Variants in KIF15 observed in about 807,000 individuals in gnomAD.
KIF15 encodes the protein kinesin family member 15, also known as kinesin-like protein KIF15.
KIF15 carries 140 observed loss-of-function variants against 190.6 expected under a neutral mutation model. The observed-to-expected ratio is 0.73, with a 90% confidence interval of 0.64 to 0.84. The LOEUF is 0.84. Among genes scored for constraint, KIF15 ranks in the 40% least tolerant of loss-of-function variants. The pLI is 0.00. For synonymous variants in KIF15, 528 were observed against 551.3 expected (o/e 0.96, Z 0.59); for missense variants, 1,372 against 1,584.4 (o/e 0.87, Z 2.28).
rs182618516 is a variant in KIF15, at chr3:44,822,472, A to C, written c.2550-3567A>C. 9.9e-5 allele frequency among the ~76,000 whole-genome samples: 15 copies of C among 152,154 alleles called. No individual in the cohort carries two copies. In the East Asian group the frequency reaches 2.7e-3, roughly 27 times the overall value. ...CATTTCAACCTTGGTGAATCTGACAATTATGTGTCTTGGGGTTGCTCTTCT... is the reference window on the plus strand; with the variant it reads ...CATTTCAACCTTGGTGAATCTGACACTTATGTGTCTTGGGGTTGCTCTTCT... On this transcript the variant is annotated intron_variant, in intron 20 of 34. Transcript: ENST00000326047.
At chr3:44,834,857 T>C (rs139779226) in intron 26 of KIF15, among the ~76,000 whole-genome samples, 2,822 of 151,498 alleles carry the variant, frequency 0.019, 74 homozygotes, top group African/African-American at 0.063. Context: ...CGCTGGAACC[T>C]AGGAGGCAGA....
intron 2 of KIF15, 140 bp downstream of exon 2, chr3:44,774,577 A>G: frequency 1.5e-6 from 1 of 680,050 alleles, no homozygotes; most frequent in Non-Finnish European, 2.5e-6. Flanking sequence ...GGAAAACTGC[A>G]TATTACCTCT....
chr3:44,836,687 T>G (rs1384099513), intron 26 of KIF15, among the ~76,000 whole-genome samples: 1 of 152,048 alleles, frequency 6.6e-6, no homozygotes, highest in Non-Finnish European at 1.5e-5. Context: ...CCTGAAACAT[T>G]AGGAGTTCAG....
chr3:44,810,947 T>G lies in KIF15; in HGVS notation c.2073T>G (p.Ser691=). The G allele has an allele frequency of 6.2e-7, 1 of 1,613,358 alleles. No homozygotes were observed. The highest frequency in any genetic ancestry group is 8.5e-7 in the Non-Finnish European group (1 of 1,179,494). Reference sequence around the variant, plus strand: ...TTGGCTCTCTATACACTCAGAATTCTAGCATATTAGATAATGATATATTAA... The same window carrying G: ...TTGGCTCTCTATACACTCAGAATTCGAGCATATTAGATAATGATATATTAA... ...GSFGSLYTQN[S]SILDNDILNE... The change falls in exon 17 of 35, where the codon TCT becomes TCG. Residue 691 remains serine (S), a synonymous_variant. Coordinates refer to ENST00000326047, the MANE Select transcript of KIF15 (RefSeq NM_020242.3).
chr3:44,762,402 C>T (rs1213959611), intron 1 of KIF15, among the ~76,000 whole-genome samples: 1 of 152,226 alleles, frequency 6.6e-6, no homozygotes, highest in African/African-American at 2.4e-5. Flanking sequence ...CTCACAGTCT[C>T]TATTTTCACT....
chr3:44,865,321 A>C, intron 6 of KIF15: 1 of 1,130,878 alleles, frequency 8.8e-7, no homozygotes, highest in Non-Finnish European at 1.3e-6. Context: ...CTGATGGAGC[A>C]GGCTCTGGCT....
In KIF15 at chr3:44,847,378, A is replaced by G. The variant is rs149435051; in HGVS notation, c.3696-607A>G. 3.1e-3 allele frequency among the ~76,000 whole-genome samples: 477 copies of G among 152,326 alleles called. 1 individual carries two copies. The highest frequency in any genetic ancestry group is 4.6e-3 in the Non-Finnish European group (314 of 68,040). On this transcript the variant is annotated intron_variant, in intron 30 of 34. Coordinates refer to ENST00000326047, the MANE Select transcript of KIF15 (RefSeq NM_020242.3). ...CTCACCTGGTCAGGCTCACAGAGAT[A>G]GATGTATTATCTAGAATGTAATTTT...
At chr3:44,811,339 G>A (rs1707773732) in intron 17 of KIF15, among the ~76,000 whole-genome samples, 1 of 152,148 alleles carries the variant, frequency 6.6e-6, no homozygotes, top group Non-Finnish European at 1.5e-5. Flanking sequence ...GCAAAGTGCT[G>A]TATCTGCTAA....
intron 20 of KIF15, among the ~76,000 whole-genome samples, chr3:44,822,334 C>A (rs564294955): frequency 6.6e-6 from 1 of 152,310 alleles, no homozygotes; most frequent in South Asian, 2.1e-4. Flanking sequence ...TATTGCCCCC[C>A]ACTCTCTTCT....
At position 44,852,483 on chromosome 3, in the gene KIF15, C is replaced by T. The variant is rs533000182; in HGVS notation, c.4104+144C>T. The T allele has an allele frequency of 3.3e-5, 29 of 883,044 alleles. 1 individual carries two copies. In the South Asian group the frequency reaches 3.3e-4, roughly 10 times the overall value. The allele number at this position is 883,044 out of a possible 1,614,324, so 54.7% of individuals were successfully genotyped here. ...AATTAAAAAAAAAAAAAAAGTTGGTCGTTGCTATTCTGAGCCTAATTCAAT... is the reference window on the plus strand; with the variant it reads ...AATTAAAAAAAAAAAAAAAGTTGGTTGTTGCTATTCTGAGCCTAATTCAAT... On this transcript the variant is annotated intron_variant, in intron 34 of 34. Transcript: ENST00000326047.
chr3:44,841,970 G>A (rs115065183), intron 29 of KIF15, among the ~76,000 whole-genome samples: 177 of 152,270 alleles, frequency 1.2e-3, no homozygotes, highest in Non-Finnish European at 1.7e-3. Context: ...GCTCTCATCA[G>A]GAATGAAGGT....
chr3:44,820,504 G>C (rs1225078178), intron 20 of KIF15, among the ~76,000 whole-genome samples: 2 of 152,186 alleles, frequency 1.3e-5, no homozygotes, highest in South Asian at 2.1e-4. Context: ...GCGGCCTTCC[G>C]CAGTGTTTGT....
intron 11 of KIF15, among the ~76,000 whole-genome samples, chr3:44,800,719 A>G (rs373148959): frequency 6.6e-6 from 1 of 152,234 alleles, no homozygotes; most frequent in Non-Finnish European, 1.5e-5. Flanking sequence ...TGTAATCTAT[A>G]TATGTTTACT....
chr3:44,773,427 A>C (rs546745043), intron 1 of KIF15, among the ~76,000 whole-genome samples: 1 of 152,122 alleles, frequency 6.6e-6, no homozygotes, highest in South Asian at 2.1e-4. Flanking sequence ...CCCCAGCCCC[A>C]CCCAGAAGGG....
At position 44,840,398 on chromosome 3, in the gene KIF15, A is replaced by G. The variant is rs925985738; in HGVS notation, c.3362A>G (p.Tyr1121Cys). 5.0e-6 allele frequency: 8 copies of G among 1,611,130 alleles called. No individual in the cohort carries two copies. Among genetic ancestry groups the G allele is most frequent in the Non-Finnish European group, 5.9e-6 (7 of 1,179,002 alleles). The change falls in exon 28 of 35, where the codon TAT becomes TGT. Residue 1121 changes from tyrosine (Y) to cysteine (C), a missense_variant. Tyr to Cys is a radical substitution (Grantham distance 194). Coordinates refer to ENST00000326047, the MANE Select transcript of KIF15 (RefSeq NM_020242.3). ...KEEVEQKKNE[Y>C]NFKMRQLEHV... is the part of the protein sequence containing the mutation. ...GAAGTAGAACAGAAGAAGAATGAAT[A>G]TAACTTCAAAATGAGGCAACTAGAA...
At chr3:44,865,384 T>C in intron 6 of KIF15, 1 of 662,646 alleles carries the variant, frequency 1.5e-6, no homozygotes. Context: ...GTTTTGATCA[T>C]CTGTACAGTG....
intron 20 of KIF15, among the ~76,000 whole-genome samples, chr3:44,823,982 G>A (rs747225198): frequency 6.6e-5 from 10 of 152,132 alleles, no homozygotes; most frequent in Admixed American, 1.3e-4. Flanking sequence ...GTGAGGCGAC[G>A]CCCACCCTGC....
At chr3:44,853,800 C>T (rs774232619), downstream of KIF15, among the ~76,000 whole-genome samples, 2 of 152,040 alleles carry the variant, frequency 1.3e-5, no homozygotes, top group Non-Finnish European at 2.9e-5. Flanking sequence ...AACATTTTTC[C>T]ATATTATGGA....
chr3:44,834,888 G>A (rs564904222), intron 26 of KIF15, among the ~76,000 whole-genome samples: 6 of 151,564 alleles, frequency 4.0e-5, no homozygotes, highest in Admixed American at 1.3e-4. Flanking sequence ...AGCCAAGATC[G>A]CGCCACTGCA....
Sources: gnomAD v4.1 joint callset for allele counts (sites outside exome capture counted in the v4.1 genomes callset) on GRCh38, gnomAD v4.1.1 for gene constraint, MANE v1.5 for transcripts, NCBI Gene and HGNC (gene_info 2026-07-23, HGNC 2026-07-21) for gene names.